The following TRMT2B variants were observed in gnomAD, a reference collection of about 807,000 sequenced individuals.
The protein encoded by TRMT2B is tRNA methyltransferase 2B, also known as tRNA (uracil-5-)-methyltransferase homolog B.
A neutral mutation model predicts 39.7 loss-of-function variants in TRMT2B; 34 were observed. The observed-to-expected ratio is 0.86, with a 90% confidence interval of 0.65 to 1.14. The LOEUF (loss-of-function observed/expected upper bound fraction) is 1.14, where lower values mean the gene tolerates loss of function less well. Ranked by LOEUF, TRMT2B falls within the 50% of genes most tolerant of loss-of-function variation. TRMT2B has a pLI of 0.00. For synonymous variants in TRMT2B, 132 were observed against 137.3 expected (o/e 0.96, Z 0.27); for missense variants, 318 against 377.2 (o/e 0.84, Z 1.30).
chrX:101,024,729 A>T (rs532315078), intron 7 of TRMT2B, among the ~76,000 whole-genome samples: 2 of 111,283 alleles, frequency 1.8e-5, no homozygotes, highest in African/African-American at 6.5e-5. Flanking sequence ...AGGCTGAGGC[A>T]GGAGAATTGC....
intron 7 of TRMT2B, among the ~76,000 whole-genome samples, chrX:101,027,406 A>ATT (rs751653222): frequency 1.1e-5 from 1 of 90,726 alleles, no homozygotes; most frequent in Non-Finnish European, 2.2e-5. Flanking sequence ...TAATTTTTGC[A>ATT]TTTTTTTTTT....
chrX:100,982,417 G>A, the TRMT2B span, among the ~76,000 whole-genome samples: 5 of 109,711 alleles, frequency 4.6e-5, no homozygotes, highest in African/African-American at 6.6e-5. Flanking sequence ...GCTTGAACTC[G>A]GGAGGCAAAG....
the TRMT2B span, among the ~76,000 whole-genome samples, chrX:100,998,161 G>T: frequency 9.3e-6 from 1 of 107,255 alleles, no homozygotes; most frequent in Non-Finnish European, 1.9e-5. Context: ...TCAGGAGGCT[G>T]AGGCAGGAGA....
the TRMT2B span, among the ~76,000 whole-genome samples, chrX:100,997,885 T>G: frequency 8.9e-6 from 1 of 111,919 alleles, no homozygotes; most frequent in Non-Finnish European, 1.9e-5. Flanking sequence ...ACATAAATGC[T>G]GAGAAACACC....
At chrX:101,008,380 C>T (rs1472439295), downstream of TRMT2B, among the ~76,000 whole-genome samples, 2 of 111,706 alleles carry the variant, frequency 1.8e-5, no homozygotes, top group South Asian at 3.8e-4. Context: ...CCAACACTTT[C>T]GGAGGCCGAG....
chrX:101,021,256 T>C lies in TRMT2B; in HGVS notation c.911A>G (p.Tyr304Cys), dbSNP rs2086789137. ...SPYQLLFGEP[Y>C]IFEELLSLKI... ...CAAGCTCAGAAGTTCTTCAAAGATGTAGGGTTCCCCAAACAGAAGCTGATA... is the reference window on the plus strand; with the variant it reads ...CAAGCTCAGAAGTTCTTCAAAGATGCAGGGTTCCCCAAACAGAAGCTGATA... The change falls in exon 10 of 14, where the codon TAC (tyrosine) becomes TGC (cysteine). Residue 304 changes from tyrosine to cysteine, a missense_variant. Transcript: ENST00000372936. 2 of 1,210,009 alleles carry C rather than the reference T, an allele frequency of 1.7e-6. No individual in the cohort carries two copies. The highest frequency in any genetic ancestry group is 2.2e-5 in the Admixed American group (1 of 45,674).
At chrX:100,981,634 TA>T in the TRMT2B span, among the ~76,000 whole-genome samples, 1 of 93,035 alleles carries the variant, frequency 1.1e-5, no homozygotes, top group African/African-American at 4.1e-5. Context: ...CAAAACTCTC[TA>T]CAAAAAAAAA....
At chrX:100,989,541 C>T in the TRMT2B span, among the ~76,000 whole-genome samples, 1 of 105,623 alleles carries the variant, frequency 9.5e-6, no homozygotes, top group African/African-American at 3.5e-5. Flanking sequence ...ACCCAGGAGG[C>T]GGAGTTTGCA....
At chrX:101,010,733 T>G (rs1427431871) in intron 13 of TRMT2B, 26 bp from the exon 14 acceptor site, 1 of 1,194,946 alleles carries the variant, frequency 8.4e-7, no homozygotes, top group South Asian at 1.8e-5. Flanking sequence ...ATAGCATCAG[T>G]TCCCAGGAAT....
In TRMT2B at chrX:101,030,454, C is replaced by CT. The variant is rs1331923176; in HGVS notation, c.609+5158dup. 2.0e-3 allele frequency among the ~76,000 whole-genome samples: 141 copies of CT among 71,806 alleles called. 8 individuals are homozygous for CT. The highest frequency in any genetic ancestry group is 5.4e-3 in the Admixed American group (35 of 6,464). 62.4% of individuals were successfully genotyped at this position (71,806 alleles called of 115,157 possible). On this transcript the variant is annotated intron_variant, in intron 7 of 13. Transcript: ENST00000372936. ...GGAAAAGCCTATATAGATCTGCATTCTTTTTTTTTTTTTTCAGATGGAGTC... is the reference window on the plus strand; with the variant it reads ...GGAAAAGCCTATATAGATCTGCATTCTTTTTTTTTTTTTTTCAGATGGAGTC...
chrX:101,042,019 G>A, intron 3 of TRMT2B, 23 bp downstream of exon 3: 1 of 1,208,488 alleles, frequency 8.3e-7, no homozygotes, highest in Non-Finnish European at 1.1e-6. Flanking sequence ...GCTAAGGAGA[G>A]AGGACATCAG....
the TRMT2B span, among the ~76,000 whole-genome samples, chrX:101,002,742 G>A: frequency 9.7e-6 from 1 of 103,604 alleles, no homozygotes; most frequent in East Asian, 3.0e-4. Flanking sequence ...TCGCACCATT[G>A]CACTCCAGCC....
At chrX:100,986,966 CTA>C in the TRMT2B span, 1 of 763,162 alleles carries the variant, frequency 1.3e-6, no homozygotes, top group Non-Finnish European at 1.9e-6. Context: ...TTGGCCCATT[CTA>C]TAGTCAGTCC....
intron 13 of TRMT2B, chrX:101,015,564 T>A: frequency 4.8e-6 from 3 of 621,051 alleles, no homozygotes; most frequent in Non-Finnish European, 5.8e-6. Context: ...ATATTGCCTT[T>A]TCATATCCTC....
chrX:101,042,341 G>T (rs762619824), intron 2 of TRMT2B, 29 bp from the exon 3 acceptor site: 1 of 1,170,824 alleles, frequency 8.5e-7, no homozygotes, highest in Non-Finnish European at 1.1e-6. Flanking sequence ...TACAGAGGTT[G>T]GGAAATAGAA....
At chrX:101,043,267 C>A (rs868104241) in intron 2 of TRMT2B, among the ~76,000 whole-genome samples, 1 of 101,781 alleles carries the variant, frequency 9.8e-6, no homozygotes. Flanking sequence ...AACTCTGTCT[C>A]AAAAAAAAAA....
chrX:101,037,490 C>T (rs946181929), intron 5 of TRMT2B: 2 of 160,667 alleles, frequency 1.2e-5, no homozygotes, highest in Admixed American at 7.7e-5. Context: ...CTGCTAACCC[C>T]TGCCATAAAT....
At chrX:101,031,695 C>CA (rs2087472330) in intron 7 of TRMT2B, among the ~76,000 whole-genome samples, 1 of 74,345 alleles carries the variant, frequency 1.3e-5, no homozygotes, top group South Asian at 6.8e-4. Context: ...GCAACAGGAG[C>CA]AAAACTCTGT....
At chrX:101,041,797 A>G (rs1465692662) in intron 3 of TRMT2B, among the ~76,000 whole-genome samples, 1 of 111,991 alleles carries the variant, frequency 8.9e-6, no homozygotes. Context: ...TATTAAAGAC[A>G]AGGTCCCAGA....
Sources: allele counts gnomAD v4.1 joint callset (sites outside exome capture counted in the v4.1 genomes callset), GRCh38; gene constraint gnomAD v4.1.1; transcripts MANE v1.5; gene names NCBI Gene and HGNC (gene_info 2026-07-23, HGNC 2026-07-21).